INPP4B: variants seen among roughly 807,000 people sequenced by gnomAD.
INPP4B encodes inositol polyphosphate-4-phosphatase type II B.
Under a neutral mutation model 122.5 loss-of-function variants are expected in INPP4B, and 55 were observed. That is an observed-to-expected ratio of 0.45 (90% CI 0.36 to 0.56). The LOEUF (loss-of-function observed/expected upper bound fraction) is 0.56. INPP4B is among the 20% of genes least tolerant of loss of function. INPP4B has a pLI of 0.00. For missense variants in INPP4B, 1,000 were observed against 1,097.7 expected, an observed-to-expected ratio of 0.91 and a Z score of 1.26; for synonymous variants, 403 against 388.7, an observed-to-expected ratio of 1.04 and a Z score of -0.43.
intron 7 of INPP4B, 29 bp downstream of exon 7, chr4:142,402,909 C>T: frequency 8.8e-7 from 1 of 1,140,810 alleles, no homozygotes. Context: ...AACTTTTTCC[C>T]AAAGAAAGAA....
intron 25 of INPP4B, among the ~76,000 whole-genome samples, chr4:142,042,577 T>G (rs943306161): frequency 2.0e-5 from 3 of 148,782 alleles, no homozygotes; most frequent in African/African-American, 7.4e-5. Context: ...TATTTATTTA[T>G]TTTTAGACAG....
chr4:142,555,946 T>C (rs907421357), intron 2 of INPP4B, among the ~76,000 whole-genome samples: 2 of 152,144 alleles, frequency 1.3e-5, no homozygotes, highest in African/African-American at 4.8e-5. Context: ...TGTGTGTGTG[T>C]ATATACAGAT....
At chr4:142,655,436 G>C (rs1173313948) in intron 2 of INPP4B, among the ~76,000 whole-genome samples, 1 of 152,094 alleles carries the variant, frequency 6.6e-6, no homozygotes, top group Non-Finnish European at 1.5e-5. Flanking sequence ...CTAAGTAAAA[G>C]GATCATCCAT....
At chr4:142,470,461 T>A (rs1009096937) in intron 2 of INPP4B, among the ~76,000 whole-genome samples, 1 of 152,194 alleles carries the variant, frequency 6.6e-6, no homozygotes, top group Admixed American at 6.5e-5. Flanking sequence ...GCTACTTTCC[T>A]ACATTCCCAA....
At chr4:142,813,197 A>C (rs1459435937) in intron 1 of INPP4B, among the ~76,000 whole-genome samples, 2 of 152,188 alleles carry the variant, frequency 1.3e-5, no homozygotes, top group East Asian at 3.8e-4. Context: ...TTAAAATGAC[A>C]CTATCTTACA....
intron 14 of INPP4B, among the ~76,000 whole-genome samples, chr4:142,196,031 A>G (rs1838062366): frequency 6.6e-6 from 1 of 152,210 alleles, no homozygotes; most frequent in South Asian, 2.1e-4. Context: ...CTATGAAGAA[A>G]CCGAGACATT....
chr4:142,684,585 T>C (rs1483054911), intron 2 of INPP4B, among the ~76,000 whole-genome samples: 2 of 151,890 alleles, frequency 1.3e-5, no homozygotes, highest in African/African-American at 4.8e-5. Flanking sequence ...CTGAGAAAGG[T>C]CTGAGAATTT....
At chr4:142,367,992 C>T (rs189893754) in intron 7 of INPP4B, among the ~76,000 whole-genome samples, 13 of 152,182 alleles carry the variant, frequency 8.5e-5, no homozygotes, top group Admixed American at 4.6e-4. Context: ...CCTGTCCCTC[C>T]GTATTAAGAA....
chr4:142,740,653 T>C (rs1024222903), intron 1 of INPP4B, among the ~76,000 whole-genome samples: 2 of 151,794 alleles, frequency 1.3e-5, no homozygotes, highest in Non-Finnish European at 2.9e-5. Flanking sequence ...CTGTTGGAGT[T>C]TACAACACTC....
chr4:142,223,842 A>AT lies in INPP4B; in HGVS notation c.836+14021dup, dbSNP rs373281474. On this transcript the variant is annotated intron_variant, in intron 12 of 25. Transcript: ENST00000262992. The stretch of plus-strand genomic sequence containing the variant: ...CCCTGATGTGATATCTTTAATGCAT[A>AT]TTTTTTTTGGATCCTTCGTTCTTTG... 5.9e-4 allele frequency among the ~76,000 whole-genome samples: 89 copies of AT among 152,118 alleles called. 1 individual carries two copies. The highest frequency in any genetic ancestry group is 2.0e-3 in the African/African-American group (85 of 41,498).
intron 10 of INPP4B, among the ~76,000 whole-genome samples, chr4:142,261,626 G>A (rs1204354063): frequency 6.6e-6 from 1 of 152,042 alleles, no homozygotes. Flanking sequence ...TATCAGCCTT[G>A]CTTGAGCTAT....
chr4:142,828,436 T>C (rs891867507), intron 1 of INPP4B, among the ~76,000 whole-genome samples: 1 of 152,050 alleles, frequency 6.6e-6, no homozygotes, highest in Non-Finnish European at 1.5e-5. Context: ...ATGAAAAAAA[T>C]TGATTACCTT....
intron 3 of INPP4B, among the ~76,000 whole-genome samples, chr4:142,454,122 C>A (rs1279977473): frequency 2.0e-5 from 3 of 152,038 alleles, no homozygotes; most frequent in Non-Finnish European, 4.4e-5. Context: ...GACTTTCCTT[C>A]TTCCTTTCCC....
intron 9 of INPP4B, among the ~76,000 whole-genome samples, chr4:142,272,201 T>C (rs1746182645): frequency 6.6e-6 from 1 of 152,068 alleles, no homozygotes; most frequent in Non-Finnish European, 1.5e-5. Context: ...GTATTAAAAG[T>C]GTCAGAAAGC....
At chr4:142,621,855 CAT>C (rs1481339593) in intron 2 of INPP4B, among the ~76,000 whole-genome samples, 7 of 151,742 alleles carry the variant, frequency 4.6e-5, no homozygotes, top group Non-Finnish European at 1.0e-4. Flanking sequence ...GCACGTTGCA[CAT>C]GATTATTCTC....
At chr4:142,598,806 G>C (rs1276653887) in intron 2 of INPP4B, among the ~76,000 whole-genome samples, 1 of 152,122 alleles carries the variant, frequency 6.6e-6, no homozygotes, top group Admixed American at 6.5e-5. Context: ...CTCATGCACA[G>C]AGAGCAGAAC....
intron 2 of INPP4B, among the ~76,000 whole-genome samples, chr4:142,545,264 C>T (rs1386825420): frequency 6.6e-6 from 1 of 152,088 alleles, no homozygotes; most frequent in Non-Finnish European, 1.5e-5. Flanking sequence ...TTAACATGTG[C>T]TATGCATTTA....
intron 15 of INPP4B, among the ~76,000 whole-genome samples, chr4:142,191,181 A>G (rs965714846): frequency 6.6e-6 from 1 of 152,148 alleles, no homozygotes; most frequent in Non-Finnish European, 1.5e-5. Context: ...AAGGAGGTAT[A>G]TTGGTTAGGG....
rs536888318 is a variant in INPP4B at position 142,258,450 on chromosome 4, C to T, written c.688+2042G>A. ...AATGGGAGAAAATTTTCGCAACCTA[C>T]TCATCTGACAAAGGACTAATATCCA... On this transcript the variant is annotated intron_variant, in intron 11 of 25. Coordinates refer to ENST00000262992, the MANE Select transcript of INPP4B (RefSeq NM_001101669.3). Among the ~76,000 whole-genome samples the T allele has an allele frequency of 3.9e-5, 6 of 152,258 alleles. No homozygotes were observed. In the South Asian group the frequency reaches 8.3e-4, roughly 21 times the overall value.
Sources: gnomAD v4.1 joint callset for allele counts (sites outside exome capture counted in the v4.1 genomes callset) on GRCh38, gnomAD v4.1.1 for gene constraint, MANE v1.5 for transcripts, NCBI Gene and HGNC (gene_info 2026-07-23, HGNC 2026-07-21) for gene names.